CFAP299: variants seen among roughly 807,000 people sequenced by gnomAD.
CFAP299 encodes the protein cilia- and flagella-associated protein 299.
CFAP299 carries 21 observed loss-of-function variants against 27.0 expected under a neutral mutation model. The observed-to-expected ratio is 0.78, with a 90% CI of 0.55 to 1.12. CFAP299 has a LOEUF of 1.12. CFAP299 is among the 50% of genes most tolerant of loss of function. The probability of loss-of-function intolerance (pLI) is 0.00; values close to 1 mark genes in which losing one functional copy is unlikely to be tolerated. For synonymous variants in CFAP299, 104 were observed against 98.1 expected (o/e 1.06, Z -0.36); for missense variants, 310 against 276.6 (o/e 1.12, Z -0.86).
chr4:80,954,905 C>A (rs1441632588), intron 5 of CFAP299, among the ~76,000 whole-genome samples: 4 of 142,152 alleles, frequency 2.8e-5, no homozygotes, highest in Non-Finnish European at 6.0e-5. Flanking sequence ...GAGGCTGAGG[C>A]AGGAGAATGG....
chr4:80,958,343 G>T (rs1251054351), intron 5 of CFAP299, among the ~76,000 whole-genome samples: 1 of 152,086 alleles, frequency 6.6e-6, no homozygotes, highest in Admixed American at 6.6e-5. Context: ...GACATTACGG[G>T]GAAGGCTTTG....
intron 2 of CFAP299, among the ~76,000 whole-genome samples, chr4:80,477,278 T>G (rs367561620): frequency 3.9e-5 from 6 of 152,220 alleles, no homozygotes; most frequent in African/African-American, 1.4e-4. Context: ...CCTACACTGG[T>G]CTTGAACTCC....
At chr4:80,356,305 C>T (rs1215771030) in intron 1 of CFAP299, among the ~76,000 whole-genome samples, 1 of 152,020 alleles carries the variant, frequency 6.6e-6, no homozygotes. Flanking sequence ...TAGGATTATC[C>T]TGACTATATG....
chr4:80,401,905 G>A (rs900158010), intron 2 of CFAP299, among the ~76,000 whole-genome samples: 7 of 152,168 alleles, frequency 4.6e-5, no homozygotes, highest in African/African-American at 4.8e-5. Flanking sequence ...GGGAACCCAC[G>A]TCTTGAATCA....
intron 3 of CFAP299, chr4:80,790,289 T>C (rs984949344): frequency 6.6e-6 from 1 of 152,016 alleles, no homozygotes; most frequent in Non-Finnish European, 1.5e-5. Flanking sequence ...AGTTTCATAG[T>C]CAAAAGATAA....
At chr4:80,855,987 C>A (rs893063146) in intron 3 of CFAP299, among the ~76,000 whole-genome samples, 1 of 151,890 alleles carries the variant, frequency 6.6e-6, no homozygotes, top group African/African-American at 2.4e-5. Flanking sequence ...GCCACACTGA[C>A]TTCCACAGTG....
intron 3 of CFAP299, among the ~76,000 whole-genome samples, chr4:80,733,559 T>C (rs1344679144): frequency 2.0e-5 from 3 of 152,120 alleles, no homozygotes; most frequent in African/African-American, 7.2e-5. Flanking sequence ...TTACTCATTA[T>C]TTCTAACTTT....
At chr4:80,768,648 T>C (rs1726035276) in intron 3 of CFAP299, among the ~76,000 whole-genome samples, 1 of 152,178 alleles carries the variant, frequency 6.6e-6, no homozygotes, top group African/African-American at 2.4e-5. Flanking sequence ...AAAATTATTT[T>C]TTTGCCATGG....
At chr4:80,815,116 T>G (rs1729357344) in intron 3 of CFAP299, among the ~76,000 whole-genome samples, 1 of 151,628 alleles carries the variant, frequency 6.6e-6, no homozygotes, top group African/African-American at 2.4e-5. Context: ...AACTAATCCC[T>G]AAAATGTAGC....
chr4:80,722,003 A>G (rs1722845353), intron 3 of CFAP299, among the ~76,000 whole-genome samples: 1 of 152,258 alleles, frequency 6.6e-6, no homozygotes, highest in African/African-American at 2.4e-5. Flanking sequence ...AAATCTAAAT[A>G]AAGGAACAAA....
At chr4:80,360,066 G>A (rs1254844790) in intron 1 of CFAP299, among the ~76,000 whole-genome samples, 1 of 152,206 alleles carries the variant, frequency 6.6e-6, no homozygotes, top group African/African-American at 2.4e-5. Context: ...CCAGCTGACT[G>A]GCTTCATTTC....
intron 2 of CFAP299, among the ~76,000 whole-genome samples, chr4:80,568,285 A>T (rs1735412206): frequency 6.6e-6 from 1 of 152,060 alleles, no homozygotes; most frequent in Admixed American, 6.6e-5. Context: ...TTAAACTTAG[A>T]ATTGAATAAG....
intron 3 of CFAP299, among the ~76,000 whole-genome samples, chr4:80,776,180 A>G (rs1726528831): frequency 1.3e-5 from 2 of 152,150 alleles, no homozygotes; most frequent in Admixed American, 1.3e-4. Context: ...GGTGATTAAG[A>G]GCAGGAGCAT....
chr4:80,849,557 CA>C (rs1181357987), intron 3 of CFAP299, among the ~76,000 whole-genome samples: 1 of 152,090 alleles, frequency 6.6e-6, no homozygotes, highest in East Asian at 1.9e-4. Context: ...ACTATGAATA[CA>C]TTGAGAAGAT....
At chr4:80,400,284 T>G (rs1726076683) in intron 2 of CFAP299, among the ~76,000 whole-genome samples, 1 of 152,120 alleles carries the variant, frequency 6.6e-6, no homozygotes, top group Non-Finnish European at 1.5e-5. Context: ...TTTAACTTGT[T>G]TAACGCTCAC....
intron 4 of CFAP299, among the ~76,000 whole-genome samples, chr4:80,900,066 G>A (rs1040932224): frequency 9.3e-5 from 14 of 151,246 alleles, no homozygotes; most frequent in African/African-American, 2.9e-4. Context: ...AGGAAAAATA[G>A]CATGAGTAGA....
intron 3 of CFAP299, among the ~76,000 whole-genome samples, chr4:80,796,236 A>C (rs549299254): frequency 1.3e-5 from 2 of 152,272 alleles, no homozygotes; most frequent in Admixed American, 6.5e-5. Context: ...GGAATATCTC[A>C]ACAGGCCCCA....
chr4:80,952,384 A>G (rs1737826326), intron 5 of CFAP299, among the ~76,000 whole-genome samples: 1 of 152,184 alleles, frequency 6.6e-6, no homozygotes, highest in African/African-American at 2.4e-5. Flanking sequence ...GCTAAAAACT[A>G]CCAGAGTAAT....
intron 3 of CFAP299, among the ~76,000 whole-genome samples, chr4:80,797,094 A>T (rs923778572): frequency 6.6e-6 from 1 of 152,132 alleles, no homozygotes; most frequent in African/African-American, 2.4e-5. Context: ...CCCTGGGATC[A>T]ATGTCATCTC....
Sources: allele counts gnomAD v4.1 joint callset (sites outside exome capture counted in the v4.1 genomes callset), GRCh38; gene constraint gnomAD v4.1.1; transcripts MANE v1.5; gene names NCBI Gene and HGNC (gene_info 2026-07-23, HGNC 2026-07-21).